Variants in PCDHA5 observed in about 807,000 individuals in gnomAD.
The protein encoded by PCDHA5 is protocadherin alpha 5, also known as protocadherin alpha-5.
A neutral mutation model predicts 61.6 loss-of-function variants in PCDHA5; 43 were observed. The observed-to-expected ratio is 0.70, with a 90% CI of 0.55 to 0.90. The LOEUF (loss-of-function observed/expected upper bound fraction) is 0.90, where lower values mean the gene tolerates loss of function less well. Among genes scored for constraint, PCDHA5 ranks in the 40% least tolerant of loss-of-function variants. PCDHA5 has a pLI of 0.00. For synonymous variants in PCDHA5, 627 were observed against 543.9 expected, an observed-to-expected ratio of 1.15 and a Z score of -2.13; for missense variants, 1,298 against 1,222.7, an observed-to-expected ratio of 1.06 and a Z score of -0.92.
intron 1 of PCDHA5, chr5:140,883,794 C>A (rs781822448): frequency 6.2e-7 from 1 of 1,612,476 alleles, no homozygotes; most frequent in Non-Finnish European, 8.5e-7. Flanking sequence ...AGCTACGTGT[C>A]GGTGCACGCG....
chr5:140,828,337 C>A (rs2150154225), intron 1 of PCDHA5: 1 of 1,614,234 alleles, frequency 6.2e-7, no homozygotes. Flanking sequence ...TGCAGAATGG[C>A]ATTTTGTTTG....
chr5:140,978,920 A>G, intron 1 of PCDHA5, 29 bp from the exon 2 acceptor site: 1 of 1,614,014 alleles, frequency 6.2e-7, no homozygotes, highest in Non-Finnish European at 8.5e-7. Context: ...TTGTCATTTT[A>G]ACAGAAAACT....
Position 140,924,861 on chromosome 5 carries a change from C to T in PCDHA5, c.2353-54088C>T, listed in dbSNP as rs150955497. ...AGGGAGCTCAGATCGTGCCACTGCA[C>T]TCCAGCCTGGGTGACAGAGCAAGAA... On this transcript the variant is annotated intron_variant, in intron 1 of 3. Transcript: ENST00000529859. Among the ~76,000 whole-genome samples, 427 of 150,140 alleles carry T rather than the reference C, an allele frequency of 2.8e-3. 1 individual carries two copies. The highest frequency in any genetic ancestry group is 0.01 in the African/African-American group (408 of 40,512).
chr5:140,871,098 G>T (rs2052704304), intron 1 of PCDHA5: 4 of 1,613,192 alleles, frequency 2.5e-6, no homozygotes, highest in Non-Finnish European at 3.4e-6. Context: ...CCACCGTGCT[G>T]GTGTCGTTGG....
chr5:141,009,999 G>A lies in PCDHA5; in HGVS notation c.*62G>A. 1 of 1,575,110 alleles carries A rather than the reference G, an allele frequency of 6.3e-7. No individual in the cohort carries two copies. The highest frequency in any genetic ancestry group is 1.2e-5 in the South Asian group (1 of 82,646). On this transcript the variant is annotated 3_prime_UTR_variant, in exon 4 of 4. Coordinates refer to ENST00000529859, the MANE Select transcript of PCDHA5 (RefSeq NM_018908.3). ...TGTAATAATGGCAAATCTCTCCCAT[G>A]TAGCAATTCCCTGCTCCTTTTTCCT...
intron 1 of PCDHA5, among the ~76,000 whole-genome samples, chr5:140,944,781 G>T (rs1404959208): frequency 6.6e-6 from 1 of 152,114 alleles, no homozygotes; most frequent in Non-Finnish European, 1.5e-5. Context: ...TCCTGTTATT[G>T]TATTTTACAA....
At chr5:140,890,854 T>C (rs1320462436) in intron 1 of PCDHA5, among the ~76,000 whole-genome samples, 1 of 152,232 alleles carries the variant, frequency 6.6e-6, no homozygotes, top group African/African-American at 2.4e-5. Context: ...TTTCTCTTCC[T>C]TACTTCTTGC....
rs2150413547 is a variant in PCDHA5, at chr5:140,848,594, C to T, written c.2352+24467C>T. On this transcript the variant is annotated intron_variant, in intron 1 of 3. Coordinates refer to ENST00000529859, the MANE Select transcript of PCDHA5 (RefSeq NM_018908.3). The stretch of plus-strand genomic sequence containing the variant: ...TGGTGGGGAGCGGCCAGCTCCACTA[C>T]TCCGTCCCGGAGGAAGCCGAACACG... 3.8e-6 allele frequency: 6 copies of T among 1,594,526 alleles called. 1 individual carries two copies. In the African/African-American group the frequency reaches 4.0e-5, roughly 11 times the overall value.
At chr5:140,852,972 G>A (rs2150526368) in intron 1 of PCDHA5, 5 of 376,752 alleles carry the variant, frequency 1.3e-5, no homozygotes, top group South Asian at 2.2e-4. Context: ...TCCCCCTCCC[G>A]TGTTCACGCC....
intron 1 of PCDHA5, among the ~76,000 whole-genome samples, chr5:140,847,173 G>A (rs1554141670): frequency 6.7e-6 from 1 of 149,492 alleles, no homozygotes; most frequent in African/African-American, 2.4e-5. Context: ...ATAAACTAAA[G>A]GGCCATGAGT....
At chr5:140,926,470 GT>G (rs1204371892) in intron 1 of PCDHA5, 7 of 162,858 alleles carry the variant, frequency 4.3e-5, no homozygotes, top group Non-Finnish European at 9.2e-5. Context: ...AGAAAACACC[GT>G]TTAAGGAGAG....
chr5:140,883,881 G>A (rs782379771), intron 1 of PCDHA5: 13 of 1,613,320 alleles, frequency 8.1e-6, no homozygotes, highest in Non-Finnish European at 1.1e-5. Flanking sequence ...GTGAGCGCGC[G>A]CGACTCTGGC....
rs2098421123 is a variant in PCDHA5, at chr5:141,011,585, A to G, written c.*1648A>G. 6.5e-6 allele frequency: 1 copy of G among 153,746 alleles called. No individual in the cohort carries two copies. The highest frequency in any genetic ancestry group is 1.5e-5 in the Non-Finnish European group (1 of 68,036). 9.5% of individuals were successfully genotyped at this position (153,746 alleles called of 1,614,324 possible). ...TAAAATTTCTTTCTTAAATCAAGAT[A>G]CTGGTGATTCAAGGAATTTTATTTA... On this transcript the variant is annotated 3_prime_UTR_variant, in exon 4 of 4. Coordinates refer to ENST00000529859, the MANE Select transcript of PCDHA5 (RefSeq NM_018908.3).
chr5:140,911,827 A>C (rs2075655305), intron 1 of PCDHA5, among the ~76,000 whole-genome samples: 1 of 152,162 alleles, frequency 6.6e-6, no homozygotes, highest in African/African-American at 2.4e-5. Context: ...GAAACCCCAA[A>C]ACCAATGAAA....
chr5:140,854,220 C>A, intron 1 of PCDHA5: 2 of 616,474 alleles, frequency 3.2e-6, no homozygotes, highest in Non-Finnish European at 4.0e-6. Context: ...TATTGGACAT[C>A]TACATTGGGA....
At chr5:140,966,198 T>C in intron 1 of PCDHA5, 1 of 214,428 alleles carries the variant, frequency 4.7e-6, no homozygotes, top group Non-Finnish European at 9.1e-6. Context: ...TTCTAGGGGC[T>C]TGACTGCTTT....
intron 1 of PCDHA5, chr5:140,853,127 C>T (rs1172864205): frequency 3.4e-6 from 2 of 580,724 alleles, no homozygotes; most frequent in Non-Finnish European, 4.4e-6. Flanking sequence ...GATCCTCCCG[C>T]CTCAGCCTCC....
chr5:140,843,708 G>T (rs2150365442), intron 1 of PCDHA5: 8 of 1,577,200 alleles, frequency 5.1e-6, no homozygotes, highest in African/African-American at 1.3e-5. Context: ...GTTGATCATG[G>T]CCTCAAAGTA....
At chr5:140,869,899 G>T in intron 1 of PCDHA5, 1 of 1,610,464 alleles carries the variant, frequency 6.2e-7, no homozygotes, top group South Asian at 1.1e-5. Flanking sequence ...CAAACTAAAC[G>T]CCACAGACCG....
Sources: allele counts gnomAD v4.1 joint callset (sites outside exome capture counted in the v4.1 genomes callset), GRCh38; gene constraint gnomAD v4.1.1; transcripts MANE v1.5; gene names NCBI Gene and HGNC (gene_info 2026-07-23, HGNC 2026-07-21).